Variants in RGS7 observed in about 807,000 individuals in gnomAD.
RGS7 encodes the protein regulator of G-protein signaling 7.
A neutral mutation model predicts 81.1 loss-of-function variants in RGS7; 27 were observed. The ratio of observed to expected loss-of-function variants is 0.33; its 90% CI spans 0.25 to 0.46. The LOEUF (loss-of-function observed/expected upper bound fraction) is 0.46. RGS7 is among the 20% of genes least tolerant of loss of function. The pLI is 1.00. For synonymous variants in RGS7, 208 were observed against 207.7 expected (o/e 1.00, Z -0.01); for missense variants, 396 against 607.4 (o/e 0.65, Z 3.66).
At chr1:241,064,539 A>C (rs1425655034) in intron 3 of RGS7, among the ~76,000 whole-genome samples, 2 of 151,928 alleles carry the variant, frequency 1.3e-5, no homozygotes, top group African/African-American at 2.4e-5. Flanking sequence ...TAGTGGTTGC[A>C]CCACTGCATT....
intron 3 of RGS7, among the ~76,000 whole-genome samples, chr1:241,012,423 C>T (rs1009048487): frequency 5.3e-5 from 8 of 152,018 alleles, no homozygotes; most frequent in Admixed American, 2.0e-4. Context: ...GAAACTTTCC[C>T]CAGATGACAG....
chr1:241,238,358 G>A (rs538648358), intron 2 of RGS7, among the ~76,000 whole-genome samples: 6 of 152,180 alleles, frequency 3.9e-5, no homozygotes, highest in Non-Finnish European at 5.9e-5. Flanking sequence ...CTATGACTTG[G>A]CCTTGCTTGC....
At chr1:241,016,758 G>C (rs1467577195) in intron 3 of RGS7, among the ~76,000 whole-genome samples, 1 of 152,078 alleles carries the variant, frequency 6.6e-6, no homozygotes, top group South Asian at 2.1e-4. Context: ...GCATATTGTG[G>C]TCTAATTTTT....
At chr1:241,098,536 A>C in intron 3 of RGS7, 130 bp downstream of exon 3, 1 of 713,470 alleles carries the variant, frequency 1.4e-6, no homozygotes. Context: ...AATATACCAC[A>C]GGCATTTTAT....
At chr1:240,822,121 C>T (rs1691905768) in intron 10 of RGS7, among the ~76,000 whole-genome samples, 1 of 152,138 alleles carries the variant, frequency 6.6e-6, no homozygotes. Flanking sequence ...GCAGTTTGCC[C>T]TTCACAATGC....
chr1:241,100,371 T>C (rs1452475571), intron 2 of RGS7, among the ~76,000 whole-genome samples: 2 of 125,468 alleles, frequency 1.6e-5, no homozygotes, highest in Non-Finnish European at 3.2e-5. Context: ...CAAGACTCCA[T>C]TTCAAAAAAA....
intron 9 of RGS7, among the ~76,000 whole-genome samples, chr1:240,863,748 T>C (rs1043540514): frequency 6.6e-6 from 1 of 152,090 alleles, no homozygotes. Context: ...CAAAAGGATA[T>C]GTGAAAACCG....
At chr1:240,950,395 G>A (rs1035293656) in intron 4 of RGS7, among the ~76,000 whole-genome samples, 8 of 152,168 alleles carry the variant, frequency 5.3e-5, no homozygotes, top group Admixed American at 5.2e-4. Context: ...TCTCACCAGG[G>A]AAAGGGCATT....
chr1:240,990,937 A>C (rs1686364629), intron 3 of RGS7, among the ~76,000 whole-genome samples: 1 of 152,220 alleles, frequency 6.6e-6, no homozygotes, highest in African/African-American at 2.4e-5. Flanking sequence ...TTTTCTTTCT[A>C]GGTTGTTGCT....
chr1:241,135,617 C>T (rs1196200694), intron 2 of RGS7, among the ~76,000 whole-genome samples: 1 of 152,082 alleles, frequency 6.6e-6, no homozygotes, highest in Non-Finnish European at 1.5e-5. Flanking sequence ...GGATACTAAA[C>T]TCTGGGGCTC....
At chr1:241,059,454 G>C (rs568623927) in intron 3 of RGS7, among the ~76,000 whole-genome samples, 2 of 152,290 alleles carry the variant, frequency 1.3e-5, no homozygotes, top group South Asian at 4.1e-4. Context: ...GGAATGGATA[G>C]GAATTTGCAG....
At chr1:240,889,249 ACCTGG>A (rs1667883182) in intron 6 of RGS7, among the ~76,000 whole-genome samples, 1 of 152,146 alleles carries the variant, frequency 6.6e-6, no homozygotes, top group African/African-American at 2.4e-5. Context: ...GAGCCACTGC[ACCTGG>A]CGAGAGGTAA....
At chr1:240,838,930 A>ATT (rs552673064) in intron 9 of RGS7, among the ~76,000 whole-genome samples, 2 of 151,766 alleles carry the variant, frequency 1.3e-5, no homozygotes, top group African/African-American at 4.8e-5. Context: ...TTACAGGCTA[A>ATT]TTTTTTTTGT....
chr1:240,815,195 G>C lies in RGS7; in HGVS notation c.784-418C>G, dbSNP rs143906941. Among the ~76,000 whole-genome samples the C allele has an allele frequency of 7.7e-3, 1,171 of 152,002 alleles. 11 individuals are homozygous for C. The highest frequency in any genetic ancestry group is 0.027 in the African/African-American group (1,110 of 41,464). On this transcript the variant is annotated intron_variant, in intron 11 of 18. Coordinates refer to ENST00000440928, the MANE Select transcript of RGS7 (RefSeq NM_001364886.1). ...TGTAAAAAAATATATACAAAAAGTAGCCAGGTGTAGTGGTGCAGGTACTAT... is the reference window on the plus strand; with the variant it reads ...TGTAAAAAAATATATACAAAAAGTACCCAGGTGTAGTGGTGCAGGTACTAT...
chr1:241,176,563 T>A (rs1311506162), intron 2 of RGS7, among the ~76,000 whole-genome samples: 3 of 152,076 alleles, frequency 2.0e-5, no homozygotes, highest in Admixed American at 1.3e-4. Context: ...AAACAATAAA[T>A]GAAAGTCTGA....
intron 3 of RGS7, among the ~76,000 whole-genome samples, chr1:241,089,021 A>ATCTC (rs1158514403): frequency 0.01 from 246 of 23,576 alleles, 22 homozygotes; most frequent in African/African-American, 0.019. Context: ...GCAAGACTCC[A>ATCTC]TCTCTCTCTC....
At chr1:241,232,084 C>T (rs2075693397) in intron 2 of RGS7, among the ~76,000 whole-genome samples, 1 of 152,200 alleles carries the variant, frequency 6.6e-6, no homozygotes, top group Admixed American at 6.5e-5. Context: ...GAAAACAATG[C>T]TTACCCCCTT....
At chr1:240,826,947 G>A in intron 10 of RGS7, 151 bp downstream of exon 10, 2 of 719,738 alleles carry the variant, frequency 2.8e-6, no homozygotes, top group South Asian at 1.5e-5. Flanking sequence ...GAGCATTAGG[G>A]TGGGGCTATT....
intron 2 of RGS7, among the ~76,000 whole-genome samples, chr1:241,139,237 TTC>T: frequency 6.6e-6 from 1 of 150,378 alleles, no homozygotes; most frequent in African/African-American, 2.4e-5. Context: ...TCTCCCTCCC[TTC>T]TCTTTCCTTC....
Sources: allele counts gnomAD v4.1 joint callset (sites outside exome capture counted in the v4.1 genomes callset), GRCh38; gene constraint gnomAD v4.1.1; transcripts MANE v1.5; gene names NCBI Gene and HGNC (gene_info 2026-07-23, HGNC 2026-07-21).